The following ANAPC4 variants were observed in gnomAD, a reference collection of about 807,000 sequenced individuals.
ANAPC4 encodes the protein anaphase promoting complex subunit 4.
In ANAPC4, 63 loss-of-function variants were observed where a neutral mutation model predicts 119.8. That is an observed-to-expected ratio of 0.53 (90% CI 0.43 to 0.65). The LOEUF is 0.65. Ranked by LOEUF, ANAPC4 falls within the 30% of genes least tolerant of loss-of-function variation. The pLI, the probability that ANAPC4 is intolerant of heterozygous loss-of-function variation, is 0.00. For synonymous variants in ANAPC4, 283 were observed against 318.6 expected (o/e 0.89, Z 1.19); for missense variants, 716 against 945.1 (o/e 0.76, Z 3.18).
chr4:25,406,739 A>G (rs1723270917), intron 18 of ANAPC4, 90 bp from the exon 19 acceptor site: 2 of 1,010,048 alleles, frequency 2.0e-6, no homozygotes, highest in Non-Finnish European at 2.9e-6. Flanking sequence ...AGTAGATAGT[A>G]AAAATGTCAC....
At chr4:25,408,329 G>A (rs1723374466) in intron 20 of ANAPC4, among the ~76,000 whole-genome samples, 1 of 152,048 alleles carries the variant, frequency 6.6e-6, no homozygotes, top group East Asian at 1.9e-4. Context: ...ACTTTGAACG[G>A]ATCTTTTGTC....
chr4:25,377,700 C>A (rs77104342), intron 2 of ANAPC4, 144 bp downstream of exon 2: 4 of 1,213,306 alleles, frequency 3.3e-6, no homozygotes, highest in African/African-American at 1.5e-5. Flanking sequence ...ACCTGCTACC[C>A]CTTCCCTGCC....
At chr4:25,388,786 A>G in intron 6 of ANAPC4, 43 bp downstream of exon 6, 3 of 1,600,862 alleles carry the variant, frequency 1.9e-6, no homozygotes, top group South Asian at 1.1e-5. Flanking sequence ...ATAATCTGCT[A>G]TTATTTGGAA....
intron 3 of ANAPC4, chr4:25,380,688 T>C (rs923419380): frequency 1.6e-5 from 6 of 383,880 alleles, no homozygotes; most frequent in African/African-American, 1.2e-4. Flanking sequence ...ATCTCTTAAA[T>C]AAAATCTGGC....
chr4:25,402,612 A>G (rs1291020000), intron 16 of ANAPC4, among the ~76,000 whole-genome samples: 1 of 152,216 alleles, frequency 6.6e-6, no homozygotes, highest in Non-Finnish European at 1.5e-5. Flanking sequence ...ATTTTCTTTT[A>G]AAATGAGAAT....
At chr4:25,416,867 A>G (rs754068939) in intron 27 of ANAPC4, 4 of 239,698 alleles carry the variant, frequency 1.7e-5, no homozygotes, top group Non-Finnish European at 3.2e-5. Flanking sequence ...GACTTCTTTT[A>G]GTTACATTTT....
chr4:25,417,976 G>C, intron 28 of ANAPC4, 179 bp from the exon 29 acceptor site: 1 of 831,878 alleles, frequency 1.2e-6, no homozygotes, highest in South Asian at 1.9e-5. Flanking sequence ...AATTGCCACT[G>C]TTGTTATGTG....
intron 2 of ANAPC4, among the ~76,000 whole-genome samples, chr4:25,378,067 A>G (rs1433252023): frequency 1.3e-5 from 2 of 152,242 alleles, no homozygotes; most frequent in African/African-American, 4.8e-5. Flanking sequence ...CACGTTTTAT[A>G]GTACGGGTTG....
chr4:25,391,881 C>T (rs1432586011), intron 9 of ANAPC4, among the ~76,000 whole-genome samples: 2 of 152,152 alleles, frequency 1.3e-5, no homozygotes, highest in Non-Finnish European at 2.9e-5. Flanking sequence ...ACTATGATCA[C>T]CAGGATTGCA....
chr4:25,398,419 G>A (rs1722772875), intron 16 of ANAPC4, among the ~76,000 whole-genome samples: 1 of 152,128 alleles, frequency 6.6e-6, no homozygotes, highest in Non-Finnish European at 1.5e-5. Context: ...GATATTTGGG[G>A]GTGGAAGGGG....
intron 28 of ANAPC4, 144 bp downstream of exon 28, chr4:25,417,883 ATGTGG>A (rs1371425348): frequency 3.6e-5 from 42 of 1,169,062 alleles, no homozygotes; most frequent in Non-Finnish European, 4.7e-5. Flanking sequence ...GATTATGATC[ATGTGG>A]TGGCCTTAGC....
chr4:25,383,458 T>C (rs1399654850), intron 4 of ANAPC4, 65 bp downstream of exon 4: 2 of 1,445,652 alleles, frequency 1.4e-6, no homozygotes, highest in Middle Eastern at 3.6e-4. Flanking sequence ...AAATGGAAAC[T>C]TAGGAGTATC....
rs1577392960 is a variant in ANAPC4 at position 25,405,342 on chromosome 4, A to T, written c.1271-231A>T. Among the ~76,000 whole-genome samples, 1 of 152,056 alleles carries T rather than the reference A, an allele frequency of 6.6e-6. No homozygotes were observed. Among genetic ancestry groups the T allele is most frequent in the Non-Finnish European group, 1.5e-5 (1 of 68,022 alleles). On this transcript the variant is annotated intron_variant, in intron 17 of 28. Transcript: ENST00000315368. The surrounding 1 kb of genome is among the most constrained non-coding windows in gnomAD (Gnocchi z 4.6). ...GTGGCAACAGGTGGAATTGAAGAGGAAAAAGAATAGTTTAGAATGGTTAGA... is the reference window on the plus strand; with the variant it reads ...GTGGCAACAGGTGGAATTGAAGAGGTAAAAGAATAGTTTAGAATGGTTAGA...
chr4:25,384,877 A>G (rs1424771159), intron 4 of ANAPC4, among the ~76,000 whole-genome samples: 1 of 152,188 alleles, frequency 6.6e-6, no homozygotes, highest in Non-Finnish European at 1.5e-5. Context: ...GTTAACAGGC[A>G]TGAAAACAAC....
intron 3 of ANAPC4, 143 bp from the exon 4 acceptor site, chr4:25,383,118 T>G: frequency 1.4e-6 from 1 of 720,384 alleles, no homozygotes; most frequent in Non-Finnish European, 2.1e-6. Flanking sequence ...TTTTTAGTTT[T>G]TAAAATATTG....
intron 27 of ANAPC4, chr4:25,417,006 A>T (rs1723914481): frequency 6.5e-6 from 1 of 154,924 alleles, no homozygotes; most frequent in Non-Finnish European, 1.4e-5. Context: ...GATGGCTTTA[A>T]TTGACTGAGA....
rs1560436951 is a variant in ANAPC4, at chr4:25,394,965, C to T, written c.1061+60C>T. On this transcript the variant is annotated intron_variant, in intron 14 of 28. Coordinates refer to ENST00000315368, the MANE Select transcript of ANAPC4 (RefSeq NM_013367.3). ...TCCACACATACCTGGCGTTGGCCTTCTTTCCGCCGCCTTTTCTTCATCTGG... is the reference window on the plus strand; with the variant it reads ...TCCACACATACCTGGCGTTGGCCTTTTTTCCGCCGCCTTTTCTTCATCTGG... The T allele has an allele frequency of 2.4e-6, 3 of 1,269,484 alleles. No homozygotes were observed. The East Asian group carries it at 7.2e-5, about 30-fold the overall frequency. The allele number at this position is 1,269,484 out of a possible 1,614,324, so 78.6% of individuals were successfully genotyped here.
In ANAPC4 at chr4:25,406,896, G is replaced by T; in HGVS notation, c.1374+11G>T. 2 of 1,572,248 alleles carry T rather than the reference G, an allele frequency of 1.3e-6. No individual in the cohort carries two copies. The highest frequency in any genetic ancestry group is 2.4e-5 in the South Asian group (2 of 85,106). The stretch of plus-strand genomic sequence containing the variant: ...GAACATTTCAATGAGGTAAGAAGTT[G>T]ATATTTCTGTAATGCAGTTTAAAAA... On this transcript the variant is annotated intron_variant, in intron 19 of 28. Transcript: ENST00000315368.
intron 4 of ANAPC4, among the ~76,000 whole-genome samples, chr4:25,386,419 G>T (rs1436168875): frequency 3.3e-5 from 5 of 151,754 alleles, no homozygotes; most frequent in Non-Finnish European, 7.4e-5. Context: ...CACCATGTTG[G>T]CCAGGCTGGT....
Sources: allele counts gnomAD v4.1 joint callset (sites outside exome capture counted in the v4.1 genomes callset), GRCh38; gene constraint gnomAD v4.1.1; non-coding constraint Gnocchi (gnomAD v3.1); transcripts MANE v1.5; gene names NCBI Gene and HGNC (gene_info 2026-07-23, HGNC 2026-07-21).